The following NAV1 variants were observed in gnomAD, a reference collection of about 807,000 sequenced individuals.
The protein encoded by NAV1 is neuron navigator 1.
Under a neutral mutation model 175.2 loss-of-function variants are expected in NAV1, and 18 were observed. The observed-to-expected ratio is 0.10, with a 90% confidence interval of 0.07 to 0.15. NAV1 has a LOEUF of 0.15. Ranked by LOEUF, NAV1 falls within the 10% of genes least tolerant of loss-of-function variation. NAV1 has a pLI of 1.00. For synonymous variants in NAV1, 897 were observed against 978.7 expected, an observed-to-expected ratio of 0.92 and a Z score of 1.56; for missense variants, 1,731 against 2,436.6, an observed-to-expected ratio of 0.71 and a Z score of 6.10.
intron 1 of NAV1, among the ~76,000 whole-genome samples, chr1:201,541,787 G>T (rs762984457): frequency 1.4e-4 from 21 of 152,198 alleles, no homozygotes; most frequent in Non-Finnish European, 2.8e-4. Flanking sequence ...TTTTAAAGGA[G>T]TGCTGTTTTT....
At chr1:201,804,044 C>T (rs984298542) in intron 16 of NAV1, 1 of 507,544 alleles carries the variant, frequency 2.0e-6, no homozygotes, top group Non-Finnish European at 3.8e-6. Flanking sequence ...CCCCACCACC[C>T]CCCATTCCCT....
intron 1 of NAV1, among the ~76,000 whole-genome samples, chr1:201,690,722 C>T (rs1040328496): frequency 1.7e-4 from 22 of 129,710 alleles, no homozygotes; most frequent in African/African-American, 4.1e-4. Flanking sequence ...TTGGCCTGTC[C>T]GTGGCAGAGT....
chr1:201,548,242 T>A (rs1245454761), intron 1 of NAV1, among the ~76,000 whole-genome samples: 3 of 152,256 alleles, frequency 2.0e-5, no homozygotes, highest in African/African-American at 7.2e-5. Flanking sequence ...GAGCTCAATA[T>A]ACTTAGTTGT....
At chr1:201,684,678 T>A (rs539290861) in intron 1 of NAV1, among the ~76,000 whole-genome samples, 1 of 152,062 alleles carries the variant, frequency 6.6e-6, no homozygotes, top group East Asian at 1.9e-4. Context: ...TTTCACCATG[T>A]TGGCCAGGCT....
chr1:201,657,906 A>T (rs550498921), intron 1 of NAV1, among the ~76,000 whole-genome samples: 75 of 152,136 alleles, frequency 4.9e-4, no homozygotes, highest in Non-Finnish European at 9.4e-4. Context: ...GGTGGCTCAC[A>T]CCTGTAGTCC....
In NAV1 at chr1:201,648,633, G is replaced by A. The variant is rs775954324; in HGVS notation, c.-36G>A. 35 of 1,292,856 alleles carry A rather than the reference G, an allele frequency of 2.7e-5. 1 individual carries two copies. In the South Asian group the frequency reaches 4.8e-4, roughly 18 times the overall value. The allele number at this position is 1,292,856 out of a possible 1,614,324, so 80.1% of individuals were successfully genotyped here. A position where few individuals can be genotyped will look rare whatever the true frequency, so the allele number is the denominator to read the frequency against. On this transcript the variant is annotated 5_prime_UTR_variant, in exon 1 of 30. Coordinates refer to ENST00000367296, the Ensembl canonical transcript of NAV1. ...CCTGCCCCCTCCCCCCGTGCCTGCA[G>A]ACGCGCGGATCGTCCATGCGCTCCT...
upstream of NAV1, among the ~76,000 whole-genome samples, chr1:201,646,118 A>C (rs1322611380): frequency 6.6e-6 from 1 of 152,144 alleles, no homozygotes; most frequent in African/African-American, 2.4e-5. Flanking sequence ...CCAGAAAAGA[A>C]AGTCCCATGA....
intron 1 of NAV1, among the ~76,000 whole-genome samples, chr1:201,585,602 T>G (rs1667002795): frequency 6.6e-6 from 1 of 151,796 alleles, no homozygotes. Context: ...TATAAAAAAC[T>G]TCTACAATTT....
intron 2 of NAV1, among the ~76,000 whole-genome samples, chr1:201,713,218 A>G (rs1482060128): frequency 6.6e-6 from 1 of 152,248 alleles, no homozygotes; most frequent in Non-Finnish European, 1.5e-5. Context: ...GATCTTTGAT[A>G]GTCAGTCTCC....
At position 201,782,944 on chromosome 1, in the gene NAV1, TA is replaced by T; in HGVS notation, c.2357+76del. The T allele has an allele frequency of 7.7e-7, 1 of 1,301,262 alleles. No homozygotes were observed. Among genetic ancestry groups the T allele is most frequent in the Non-Finnish European group, 1.1e-6 (1 of 945,418 alleles). 80.6% of individuals were successfully genotyped at this position (1,301,262 alleles called of 1,614,324 possible). A position where few individuals can be genotyped will look rare whatever the true frequency, so the allele number is the denominator to read the frequency against. ...TCGCATATCTCTGCCCTCCTTGGAC[TA>T]GATGAGGCATGGCCTATCCACCGTT... On this transcript the variant is annotated intron_variant, in intron 6 of 29. Transcript: ENST00000367296. This position sits in a 1 kb window ranked among gnomAD's most constrained non-coding sequence, Gnocchi z 5.4.
At chr1:201,582,299 G>A (rs983571117) in intron 1 of NAV1, among the ~76,000 whole-genome samples, 5 of 152,200 alleles carry the variant, frequency 3.3e-5, no homozygotes, top group African/African-American at 1.2e-4. Flanking sequence ...ATGAGAGAGA[G>A]AAGAGCTGAC....
In NAV1 at chr1:201,813,408, G is replaced by C. The variant is rs1678815232; in HGVS notation, c.5340+150G>C. 4 of 593,508 alleles carry C rather than the reference G, an allele frequency of 6.7e-6. No individual in the cohort carries two copies. The highest frequency in any genetic ancestry group is 1.2e-5 in the Non-Finnish European group (4 of 338,146). 36.8% of individuals were successfully genotyped at this position (593,508 alleles called of 1,614,324 possible). A position where few individuals can be genotyped will look rare whatever the true frequency, so the allele number is the denominator to read the frequency against. Reference sequence around the variant, plus strand: ...AGCAAGGCACTGGGTAGACTAAGCTGCTTTCCTGCCTCCAGCTGCCATTCA... The same window carrying C: ...AGCAAGGCACTGGGTAGACTAAGCTCCTTTCCTGCCTCCAGCTGCCATTCA... On this transcript the variant is annotated intron_variant, in intron 28 of 29. Coordinates refer to ENST00000367296, the Ensembl canonical transcript of NAV1. This position sits in a 1 kb window ranked among gnomAD's most constrained non-coding sequence, Gnocchi z 4.2.
At chr1:201,785,571 G>T (rs1019084125) in intron 8 of NAV1, among the ~76,000 whole-genome samples, 8 of 152,046 alleles carry the variant, frequency 5.3e-5, no homozygotes, top group Non-Finnish European at 8.8e-5. Context: ...GGTGACAGGG[G>T]AGAAACAAGT....
At chr1:201,685,013 A>G (rs998300254) in intron 1 of NAV1, among the ~76,000 whole-genome samples, 3 of 148,384 alleles carry the variant, frequency 2.0e-5, no homozygotes, top group Non-Finnish European at 4.4e-5. Context: ...GCGGTGGCTT[A>G]TGCCTGTAAT....
rs1671966330 is a variant in NAV1, at chr1:201,712,811, T to A, written c.758-6T>A. ...CTCACCCAGCTCTTCCTTCTCTCCC[T>A]ACCAGACCCAGAGTCCCAGAGAAAG... On this transcript the variant is annotated splice_polypyrimidine_tract_variant and splice_region_variant and intron_variant, in intron 1 of 29. Coordinates refer to ENST00000367296, the Ensembl canonical transcript of NAV1. 6.2e-7 allele frequency: 1 copy of A among 1,606,130 alleles called. No individual in the cohort carries two copies. The highest frequency in any genetic ancestry group is 8.5e-7 in the Non-Finnish European group (1 of 1,172,870).
rs767123923 is a variant in NAV1 at position 201,782,701 on chromosome 1, C to T, written c.2189C>T (p.Pro730Leu). The change falls in exon 6 of 30, where the codon CCT (proline) becomes CTT (leucine). Residue 730 changes from proline to leucine, a missense_variant. Physicochemically the swap from Pro to Leu is moderately conservative, Grantham distance 98 (BLOSUM62 -3). Around this residue, in one of 13 missense-constraint regions of NAV1, gnomAD observed 634 missense variants for 766.8 expected, o/e 0.83. Coordinates refer to ENST00000367296, the Ensembl canonical transcript of NAV1. This position sits in a 1 kb window ranked among gnomAD's most constrained non-coding sequence, Gnocchi z 5.4. ...GCCAGTGGGCGGACCACTCCAGCCC[C>T]TGTCAATCAGACAGATCGGGAAAAG... The T allele has an allele frequency of 1.9e-6, 3 of 1,614,168 alleles. No homozygotes were observed. The highest frequency in any genetic ancestry group is 2.5e-6 in the Non-Finnish European group (3 of 1,180,024).
intron 1 of NAV1, among the ~76,000 whole-genome samples, chr1:201,581,903 T>C (rs904809889): frequency 5.3e-5 from 8 of 152,114 alleles, no homozygotes; most frequent in African/African-American, 1.9e-4. Context: ...AACACCATCC[T>C]GGCTAACACG....
In NAV1 at chr1:201,765,432, T is replaced by C. The variant is rs374798901; in HGVS notation, c.1227-14989T>C. Among the ~76,000 whole-genome samples the C allele has an allele frequency of 2.0e-5, 3 of 148,518 alleles. No individual in the cohort carries two copies. In the East Asian group the frequency reaches 6.1e-4, roughly 30 times the overall value. On this transcript the variant is annotated intron_variant, in intron 3 of 29. Coordinates refer to ENST00000367296, the Ensembl canonical transcript of NAV1. ...TTTTTTGAGACAGACTCTTGCTCTT[T>C]CACCCAGGCTGGAATGTAGTGGTGC...
intron 1 of NAV1, among the ~76,000 whole-genome samples, chr1:201,586,794 A>G (rs1667041814): frequency 6.6e-6 from 1 of 152,176 alleles, no homozygotes; most frequent in Non-Finnish European, 1.5e-5. Context: ...TTAAGACCCT[A>G]TCTCCAAATA....
Sources: gnomAD v4.1 joint callset for allele counts (sites outside exome capture counted in the v4.1 genomes callset) on GRCh38, gnomAD v4.1.1 for gene constraint, gnomAD v4.1.1 regional missense constraint, Gnocchi (gnomAD v3.1) non-coding constraint, MANE v1.5 for transcripts, NCBI Gene and HGNC (gene_info 2026-07-23, HGNC 2026-07-21) for gene names.